CPVL: variants seen among roughly 807,000 people sequenced by gnomAD.
CPVL encodes carboxypeptidase vitellogenic like, also known as probable serine carboxypeptidase CPVL.
A neutral mutation model predicts 63.7 loss-of-function variants in CPVL; 51 were observed. The ratio of observed to expected loss-of-function variants is 0.80; its 90% CI spans 0.64 to 1.01. The LOEUF (loss-of-function observed/expected upper bound fraction) is 1.01, where lower values mean the gene tolerates loss of function less well. CPVL is among the 50% of genes least tolerant of loss of function. CPVL has a pLI of 0.00. For missense variants in CPVL, 530 were observed against 573.1 expected, an observed-to-expected ratio of 0.92 and a Z score of 0.77; for synonymous variants, 195 against 206.0, an observed-to-expected ratio of 0.95 and a Z score of 0.46.
At chr7:29,189,666 ACT>A (rs902398630) in intron 1 of CPVL, among the ~76,000 whole-genome samples, 4 of 146,294 alleles carry the variant, frequency 2.7e-5, no homozygotes, top group South Asian at 2.2e-4. Context: ...AGAAAGAAAA[ACT>A]CTCTCTCTCT....
At chr7:29,024,434 C>T (rs1372382843) in intron 12 of CPVL, among the ~76,000 whole-genome samples, 10 of 152,270 alleles carry the variant, frequency 6.6e-5, no homozygotes, top group African/African-American at 9.6e-5. Context: ...TACTTAATGA[C>T]ATTATAGCCC....
chr7:29,146,552 A>T (rs944326629), upstream of CPVL: 2 of 1,530,070 alleles, frequency 1.3e-6, no homozygotes, highest in African/African-American at 2.8e-5. Flanking sequence ...ACCCTGCAGA[A>T]CTCGAGCCTT....
chr7:29,120,578 C>A (rs1406784016), intron 2 of CPVL, among the ~76,000 whole-genome samples: 1 of 151,952 alleles, frequency 6.6e-6, no homozygotes, highest in African/African-American at 2.4e-5. Flanking sequence ...AATCCCAGCA[C>A]TTTGGGAGGC....
chr7:29,193,158 G>A (rs913645876), intron 1 of CPVL: 4 of 152,180 alleles, frequency 2.6e-5, no homozygotes, highest in South Asian at 2.1e-4. Flanking sequence ...GCAGTCCCAC[G>A]TGACTGAAGA....
intron 6 of CPVL, among the ~76,000 whole-genome samples, chr7:29,092,341 CAAAT>C (rs1785902719): frequency 6.6e-6 from 1 of 151,964 alleles, no homozygotes; most frequent in South Asian, 2.1e-4. Context: ...GAGAAACAAA[CAAAT>C]ATCTGAAAAG....
At chr7:29,133,954 T>C (rs1260805371) in intron 1 of CPVL, among the ~76,000 whole-genome samples, 1 of 152,194 alleles carries the variant, frequency 6.6e-6, no homozygotes, top group Non-Finnish European at 1.5e-5. Context: ...GGCAAGAGTC[T>C]ATAACAGCAT....
intron 3 of CPVL, among the ~76,000 whole-genome samples, chr7:29,101,371 C>T (rs570081286): frequency 1.1e-4 from 17 of 152,266 alleles, no homozygotes; most frequent in East Asian, 7.7e-4. Context: ...GAGGCTGAGG[C>T]GGGTGGATCA....
At chr7:29,068,104 A>C (rs889811359) in intron 9 of CPVL, among the ~76,000 whole-genome samples, 1 of 151,078 alleles carries the variant, frequency 6.6e-6, no homozygotes, top group Admixed American at 6.6e-5. Flanking sequence ...TCCCGGATTC[A>C]AGCAATTCTC....
At chr7:29,189,284 G>A (rs528499605) in intron 1 of CPVL, among the ~76,000 whole-genome samples, 4 of 151,948 alleles carry the variant, frequency 2.6e-5, no homozygotes, top group Admixed American at 6.6e-5. Context: ...CCCAGGCCTC[G>A]TATACTCCCT....
At chr7:29,008,862 G>A (rs911630731) in intron 12 of CPVL, 1 of 152,014 alleles carries the variant, frequency 6.6e-6, no homozygotes, top group Non-Finnish European at 1.5e-5. Context: ...AAAAGTGATG[G>A]GAGTGAGAGG....
intron 11 of CPVL, among the ~76,000 whole-genome samples, chr7:29,039,947 T>C (rs947741167): frequency 6.6e-6 from 1 of 152,206 alleles, no homozygotes; most frequent in Non-Finnish European, 1.5e-5. Flanking sequence ...GTGACCTTAA[T>C]CTCTAACATT....
chr7:29,046,678 G>A (rs1789654273), intron 11 of CPVL, among the ~76,000 whole-genome samples: 1 of 151,810 alleles, frequency 6.6e-6, no homozygotes, highest in Admixed American at 6.6e-5. Context: ...GAGAAAAGGG[G>A]GTTGAAAACA....
chr7:29,071,805 T>C lies in CPVL; in HGVS notation c.832A>G (p.Ile278Val). 6.2e-7 allele frequency: 1 copy of C among 1,604,896 alleles called. No homozygotes were observed. The highest frequency in any genetic ancestry group is 8.5e-7 in the Non-Finnish European group (1 of 1,174,346). Reference protein sequence around the residue: ...QKQCHECIEHIRKQNWFEAFE... With the variant: ...QKQCHECIEHVRKQNWFEAFE... ...GCCTCAAACCAGTTCTGCTTCCTGA[T>C]GTGTTCTATGCATTCATGGCACTGC... Residue 278 changes from isoleucine to valine, a missense_variant, in exon 9 of 13, where the codon ATC (isoleucine) becomes GTC (valine). Physicochemically the swap from Ile to Val is conservative, Grantham distance 29 (BLOSUM62 3). Transcript: ENST00000265394.
chr7:29,049,371 A>T (rs1789931655), intron 11 of CPVL, among the ~76,000 whole-genome samples: 1 of 152,198 alleles, frequency 6.6e-6, no homozygotes, highest in African/African-American at 2.4e-5. Context: ...AGATCATTCA[A>T]GGCTACTATG....
At chr7:29,136,686 A>T (rs150692170) in intron 1 of CPVL, among the ~76,000 whole-genome samples, 169 of 152,296 alleles carry the variant, frequency 1.1e-3, no homozygotes, top group African/African-American at 3.7e-3. Context: ...AGAAGACTAA[A>T]ATTTTTTATC....
chr7:29,000,009 A>G (rs1367425620), intron 12 of CPVL, among the ~76,000 whole-genome samples: 1 of 152,136 alleles, frequency 6.6e-6, no homozygotes, highest in Non-Finnish European at 1.5e-5. Flanking sequence ...TTTAAATGTG[A>G]CAAGATTAAT....
At chr7:29,049,431 C>A (rs914955228) in intron 11 of CPVL, among the ~76,000 whole-genome samples, 1 of 152,028 alleles carries the variant, frequency 6.6e-6, no homozygotes, top group African/African-American at 2.4e-5. Flanking sequence ...TGGATAAAAT[C>A]CTGGAAAAAT....
Position 29,092,644 on chromosome 7 carries a change from TC to T in CPVL, c.520del (p.Asp174MetfsTer2). On this transcript the variant is annotated frameshift_variant, in exon 6 of 13. Transcript: ENST00000265394. ...TTACCTGTATAAATCCCGTGCTACA[TC>T]GTCCTCATTGACTGCATATCCGTGG... ...DTHGYAVNEDDVARDLYSALI... is the reference protein window; with the variant it reads ...DTHGYAVNEDXVARDLYSALI... 6.2e-7 allele frequency: 1 copy of T among 1,613,810 alleles called. No homozygotes were observed. The highest frequency in any genetic ancestry group is 8.5e-7 in the Non-Finnish European group (1 of 1,179,674).
At chr7:29,021,374 C>T (rs145506851) in intron 12 of CPVL, among the ~76,000 whole-genome samples, 1 of 152,168 alleles carries the variant, frequency 6.6e-6, no homozygotes, top group African/African-American at 2.4e-5. Flanking sequence ...GCCTGACGCA[C>T]CTGGCTGTCA....
Sources: gnomAD v4.1 joint callset for allele counts (sites outside exome capture counted in the v4.1 genomes callset) on GRCh38, gnomAD v4.1.1 for gene constraint, MANE v1.5 for transcripts, NCBI Gene and HGNC (gene_info 2026-07-23, HGNC 2026-07-21) for gene names.